The following BANP variants were observed in gnomAD, a reference collection of about 807,000 sequenced individuals.
BANP encodes BTG3 associated nuclear protein.
Under a neutral mutation model 68.1 loss-of-function variants are expected in BANP, and 11 were observed. The observed-to-expected ratio is 0.16, with a 90% confidence interval of 0.10 to 0.27. BANP has a LOEUF of 0.27. Ranked by LOEUF, BANP falls within the 10% of genes least tolerant of loss-of-function variation. BANP has a pLI of 1.00. For synonymous variants in BANP, 329 were observed against 303.2 expected (o/e 1.09, Z -0.88); for missense variants, 504 against 722.7 (o/e 0.70, Z 3.47).
intron 1 of BANP, among the ~76,000 whole-genome samples, chr16:87,958,136 TG>T (rs1211899793): frequency 6.6e-6 from 1 of 152,202 alleles, no homozygotes; most frequent in Non-Finnish European, 1.5e-5. Flanking sequence ...CTCCTCTTTG[TG>T]GTGTAGGTCA....
intron 4 of BANP, among the ~76,000 whole-genome samples, chr16:87,987,964 A>G (rs2064900033): frequency 6.6e-6 from 1 of 152,034 alleles, no homozygotes; most frequent in African/African-American, 2.4e-5. Context: ...AGGTTTTGCC[A>G]TGTTGTACAG....
intron 13 of BANP, among the ~76,000 whole-genome samples, chr16:88,075,878 C>T (rs1270033766): frequency 6.6e-6 from 1 of 151,506 alleles, no homozygotes; most frequent in Non-Finnish European, 1.5e-5. Flanking sequence ...TCCCTAGCAG[C>T]TGGGACTACA....
intron 1 of BANP, among the ~76,000 whole-genome samples, chr16:87,960,233 C>T (rs374376721): frequency 6.6e-6 from 1 of 152,178 alleles, no homozygotes; most frequent in Non-Finnish European, 1.5e-5. Flanking sequence ...GGTGCCCACG[C>T]AGTCAGGAGC....
chr16:87,993,426 T>C (rs2066389393), intron 4 of BANP, among the ~76,000 whole-genome samples: 1 of 152,206 alleles, frequency 6.6e-6, no homozygotes, highest in African/African-American at 2.4e-5. Context: ...TCCATCAGTG[T>C]GTGCTCATGG....
chr16:88,061,118 A>G (rs1296029367), intron 11 of BANP, among the ~76,000 whole-genome samples: 3 of 152,054 alleles, frequency 2.0e-5, no homozygotes, highest in Non-Finnish European at 4.4e-5. Context: ...CCTTCTCCCA[A>G]GGCTGTGCTT....
intron 6 of BANP, among the ~76,000 whole-genome samples, chr16:88,014,445 G>T (rs1237340562): frequency 1.3e-5 from 2 of 152,074 alleles, no homozygotes; most frequent in Non-Finnish European, 2.9e-5. Context: ...CTCGGTGTGG[G>T]CATGGAGAGC....
In BANP at chr16:88,064,305, C is replaced by G. The variant is rs1003442822; in HGVS notation, c.1312-962C>G. 6.6e-6 allele frequency among the ~76,000 whole-genome samples: 1 copy of G among 152,218 alleles called. No homozygotes were observed. Among genetic ancestry groups the G allele is most frequent in the African/African-American group, 2.4e-5 (1 of 41,456 alleles). On this transcript the variant is annotated intron_variant, in intron 11 of 13. Coordinates refer to ENST00000682872, the MANE Select transcript of BANP (RefSeq NM_001386991.1). This position sits in a 1 kb window ranked among gnomAD's most constrained non-coding sequence, Gnocchi z 4.5. ...GCAGCGCTCCCAGCACCCTGTGCGT[C>G]CCTTGCACCCTTGCCCTGTGGTCAC...
At chr16:88,072,271 C>G in intron 13 of BANP, 59 bp downstream of exon 13, 1 of 1,548,432 alleles carries the variant, frequency 6.5e-7, no homozygotes, top group Non-Finnish European at 8.7e-7. Context: ...CTGCCGCTGC[C>G]ACCGGGCACA....
intron 6 of BANP, among the ~76,000 whole-genome samples, chr16:88,013,535 G>GGTC (rs2073766809): frequency 6.7e-6 from 1 of 150,354 alleles, no homozygotes; most frequent in Non-Finnish European, 1.5e-5. Context: ...CCTGCCTGAT[G>GGTC]GGACGGGCTC....
chr16:88,018,155 C>T lies in BANP; in HGVS notation c.656-273C>T, dbSNP rs183669406. Among the ~76,000 whole-genome samples, 188 of 151,658 alleles carry T rather than the reference C, an allele frequency of 1.2e-3. No individual in the cohort carries two copies. The highest frequency in any genetic ancestry group is 4.0e-3 in the African/African-American group (165 of 41,326). On this transcript the variant is annotated intron_variant, in intron 6 of 13. Coordinates refer to ENST00000682872, the MANE Select transcript of BANP (RefSeq NM_001386991.1). This position sits in a 1 kb window ranked among gnomAD's most constrained non-coding sequence, Gnocchi z 7.7. ...GTCCAGGGTGAGCAGAGTGTGTGACCGTGTTGGCGCTCAGGTCCCGAGGCC... is the reference window on the plus strand; with the variant it reads ...GTCCAGGGTGAGCAGAGTGTGTGACTGTGTTGGCGCTCAGGTCCCGAGGCC...
Position 88,040,864 on chromosome 16 carries a change from T to G in BANP, c.1311+2853T>G, listed in dbSNP as rs551624147. Among the ~76,000 whole-genome samples, 13 of 152,346 alleles carry G rather than the reference T, an allele frequency of 8.5e-5. 1 individual carries two copies. In the South Asian group the frequency reaches 2.7e-3, roughly 32 times the overall value. On this transcript the variant is annotated intron_variant, in intron 11 of 13. Transcript: ENST00000682872. The stretch of plus-strand genomic sequence containing the variant: ...ACACAAAGAAATGGACGCGGCTGTT[T>G]TAAGTTCCTAGATCACTGAGGATTG...
intron 1 of BANP, among the ~76,000 whole-genome samples, chr16:87,961,773 G>A (rs2059201176): frequency 6.6e-6 from 1 of 152,126 alleles, no homozygotes; most frequent in South Asian, 2.1e-4. Context: ...CCTCAGGAAT[G>A]CGTTCAGTGC....
intron 1 of BANP, among the ~76,000 whole-genome samples, chr16:87,955,931 G>T (rs1487127690): frequency 1.3e-5 from 2 of 152,146 alleles, no homozygotes; most frequent in African/African-American, 4.8e-5. Flanking sequence ...TGAAAGACAG[G>T]GAGGCTCAGA....
At chr16:88,059,153 T>G (rs2085996751) in intron 11 of BANP, among the ~76,000 whole-genome samples, 1 of 146,922 alleles carries the variant, frequency 6.8e-6, no homozygotes, top group Non-Finnish European at 1.5e-5. Flanking sequence ...GTGCTCCTGC[T>G]GGTGTGCTGT....
chr16:87,970,270 G>A (rs2060875845), intron 1 of BANP: 1 of 152,202 alleles, frequency 6.6e-6, no homozygotes, highest in Admixed American at 6.5e-5. Flanking sequence ...CTTAGGAAAT[G>A]TTAGGATTCT....
intron 11 of BANP, among the ~76,000 whole-genome samples, chr16:88,053,793 C>A (rs569171386): frequency 1.3e-5 from 2 of 150,658 alleles, no homozygotes; most frequent in South Asian, 4.2e-4. Flanking sequence ...CAACCACTAC[C>A]ACCACCACCT....
At chr16:88,040,962 T>C (rs772200909) in intron 11 of BANP, among the ~76,000 whole-genome samples, 3 of 152,280 alleles carry the variant, frequency 2.0e-5, no homozygotes, top group Non-Finnish European at 4.4e-5. Flanking sequence ...AGACTCAGAA[T>C]CTGACAGAGC....
intron 6 of BANP, among the ~76,000 whole-genome samples, chr16:88,011,703 C>G (rs573590051): frequency 6.6e-6 from 1 of 152,188 alleles, no homozygotes; most frequent in South Asian, 2.1e-4. Flanking sequence ...GTCACATAAT[C>G]ATAAAGTCCC....
chr16:88,061,920 A>C (rs770043628), intron 11 of BANP, among the ~76,000 whole-genome samples: 8 of 152,098 alleles, frequency 5.3e-5, no homozygotes, highest in Non-Finnish European at 1.2e-4. Context: ...CGGCCTCCCA[A>C]AGTGCTAGGA....
Sources: allele counts gnomAD v4.1 joint callset (sites outside exome capture counted in the v4.1 genomes callset), GRCh38; gene constraint gnomAD v4.1.1; non-coding constraint Gnocchi (gnomAD v3.1); transcripts MANE v1.5; gene names NCBI Gene and HGNC (gene_info 2026-07-23, HGNC 2026-07-21).